The following DLGAP2 variants were observed in gnomAD, a reference collection of about 807,000 sequenced individuals.
The protein encoded by DLGAP2 is DLG associated protein 2, also known as disks large-associated protein 2.
A neutral mutation model predicts 100.3 loss-of-function variants in DLGAP2; 26 were observed. That is an observed-to-expected ratio of 0.26 (90% CI 0.19 to 0.36). DLGAP2 has a LOEUF of 0.36. Ranked by LOEUF, DLGAP2 falls within the 10% of genes least tolerant of loss-of-function variation. The pLI, the probability that DLGAP2 is intolerant of heterozygous loss-of-function variation, is 1.00. For missense variants in DLGAP2, 1,858 were observed against 1,453.2 expected (o/e 1.28, Z -4.53); for synonymous variants, 886 against 630.1 (o/e 1.41, Z -6.08).
At position 1,706,292 on chromosome 8, in the gene DLGAP2, G is replaced by C. The variant is rs1335287032; in HGVS notation, c.*4886G>C. ...TTTTTCCTCTAGAAAGGGGATTACA[G>C]TTCCTGTCCCTGTCTTCCTCCAGGA... is the stretch of plus-strand genomic sequence containing the variant. On this transcript the variant is annotated 3_prime_UTR_variant, in exon 15 of 15. Transcript: ENST00000637795. The C allele has an allele frequency of 6.6e-6, 1 of 152,208 alleles. No individual in the cohort carries two copies. The highest frequency in any genetic ancestry group is 2.4e-5 in the African/African-American group (1 of 41,456). 9.4% of individuals were successfully genotyped at this position (152,208 alleles called of 1,614,324 possible). A position where few individuals can be genotyped will look rare whatever the true frequency, so the allele number is the denominator to read the frequency against.
chr8:1,408,825 C>T (rs1343552891), intron 3 of DLGAP2, among the ~76,000 whole-genome samples: 3 of 152,012 alleles, frequency 2.0e-5, no homozygotes, highest in African/African-American at 7.3e-5. Flanking sequence ...AACAGGAAGA[C>T]TTGACTGTCA....
chr8:1,699,353 C>A (rs1338613481), intron 14 of DLGAP2, among the ~76,000 whole-genome samples: 1 of 151,890 alleles, frequency 6.6e-6, no homozygotes, highest in Non-Finnish European at 1.5e-5. Context: ...CGCCTGTAAT[C>A]CCAGCACTTC....
intron 2 of DLGAP2, among the ~76,000 whole-genome samples, chr8:1,077,223 A>C (rs1803649894): frequency 6.6e-6 from 1 of 151,952 alleles, no homozygotes; most frequent in African/African-American, 2.4e-5. Flanking sequence ...AGGATCCTCC[A>C]CTCCAGCATG....
intron 4 of DLGAP2, among the ~76,000 whole-genome samples, chr8:1,526,861 C>A (rs7011875): frequency 6.6e-6 from 1 of 152,162 alleles, no homozygotes; most frequent in Admixed American, 6.5e-5. Context: ...TCTGGGCAGC[C>A]CTCCTGCAGC....
intron 3 of DLGAP2, among the ~76,000 whole-genome samples, chr8:1,328,154 C>G (rs1345939001): frequency 6.6e-6 from 1 of 152,062 alleles, no homozygotes; most frequent in Non-Finnish European, 1.5e-5. Context: ...ATTCTCCTGC[C>G]TCAGCCTCCC....
At chr8:1,329,204 A>G (rs1424814449) in intron 3 of DLGAP2, among the ~76,000 whole-genome samples, 1 of 152,268 alleles carries the variant, frequency 6.6e-6, no homozygotes, top group Non-Finnish European at 1.5e-5. Context: ...TTATGGATTA[A>G]AAACAATGTC....
intron 4 of DLGAP2, 31 bp downstream of exon 4, chr8:1,501,462 G>A (rs535137923): frequency 1.2e-5 from 19 of 1,534,706 alleles, no homozygotes; most frequent in African/African-American, 2.7e-5. Flanking sequence ...CCGCTCTGGC[G>A]GGGCCCGGAC....
At chr8:999,223 G>T (rs111342693) in intron 2 of DLGAP2, among the ~76,000 whole-genome samples, 1 of 151,764 alleles carries the variant, frequency 6.6e-6, no homozygotes, top group Non-Finnish European at 1.5e-5. Flanking sequence ...CGTGTCGGTG[G>T]AGCTGTTTTG....
chr8:1,450,894 C>T (rs937881946), intron 3 of DLGAP2, among the ~76,000 whole-genome samples: 1 of 152,164 alleles, frequency 6.6e-6, no homozygotes, highest in Non-Finnish European at 1.5e-5. Context: ...AAACAGTCCT[C>T]TATGAATTGC....
chr8:1,122,239 G>A (rs1357335779), intron 2 of DLGAP2, among the ~76,000 whole-genome samples: 1 of 152,188 alleles, frequency 6.6e-6, no homozygotes, highest in Non-Finnish European at 1.5e-5. Flanking sequence ...GGGTGACCCT[G>A]TTTCTCCTCT....
chr8:1,032,077 A>G (rs1177329972), intron 2 of DLGAP2, among the ~76,000 whole-genome samples: 2 of 152,220 alleles, frequency 1.3e-5, no homozygotes, highest in Non-Finnish European at 2.9e-5. Context: ...CATTTGTGAA[A>G]ATGTCCACGT....
chr8:1,367,460 A>C (rs373035785), intron 3 of DLGAP2, among the ~76,000 whole-genome samples: 6 of 152,242 alleles, frequency 3.9e-5, no homozygotes, highest in African/African-American at 1.4e-4. Flanking sequence ...AGCCTCATTC[A>C]TAACTCCCAA....
chr8:1,045,258 C>T (rs903671515), intron 2 of DLGAP2, among the ~76,000 whole-genome samples: 6 of 152,200 alleles, frequency 3.9e-5, no homozygotes, highest in African/African-American at 1.4e-4. Context: ...GTAGTATCCA[C>T]CTAATAGTTT....
At chr8:1,144,451 CTT>C (rs1222121403) in intron 2 of DLGAP2, among the ~76,000 whole-genome samples, 1 of 152,232 alleles carries the variant, frequency 6.6e-6, no homozygotes, top group Non-Finnish European at 1.5e-5. Context: ...TTTCTTGTTT[CTT>C]TGAGGCTTCC....
intron 2 of DLGAP2, among the ~76,000 whole-genome samples, chr8:1,116,443 A>G (rs1184195298): frequency 6.6e-6 from 1 of 152,080 alleles, no homozygotes; most frequent in Non-Finnish European, 1.5e-5. Context: ...GGGTTTTCTT[A>G]TTTCTTCAGT....
chr8:1,691,404 G>C (rs76019792), intron 12 of DLGAP2, 131 bp from the exon 13 acceptor site: 2 of 722,112 alleles, frequency 2.8e-6, no homozygotes, highest in Non-Finnish European at 2.3e-6. Context: ...CAGCGAACAC[G>C]CTCGGCACGA....
At chr8:1,337,436 T>C (rs1400200797) in intron 3 of DLGAP2, among the ~76,000 whole-genome samples, 1 of 120,752 alleles carries the variant, frequency 8.3e-6, no homozygotes, top group Non-Finnish European at 1.8e-5. Flanking sequence ...GTGATGGTGA[T>C]GATGATGATG....
chr8:1,052,442 T>C (rs73538182), intron 2 of DLGAP2, among the ~76,000 whole-genome samples: 4 of 152,072 alleles, frequency 2.6e-5, no homozygotes, highest in African/African-American at 9.7e-5. Flanking sequence ...ACACTAGGAA[T>C]GGGGAAATTT....
chr8:1,080,405 T>C (rs1174324491), intron 2 of DLGAP2, among the ~76,000 whole-genome samples: 5 of 152,228 alleles, frequency 3.3e-5, no homozygotes, highest in African/African-American at 1.2e-4. Flanking sequence ...GAAGGGATGC[T>C]CCTCACACTT....
Sources: gnomAD v4.1 joint callset for allele counts (sites outside exome capture counted in the v4.1 genomes callset) on GRCh38, gnomAD v4.1.1 for gene constraint, MANE v1.5 for transcripts, NCBI Gene and HGNC (gene_info 2026-07-23, HGNC 2026-07-21) for gene names.